LRFN1: variants seen among roughly 807,000 people sequenced by gnomAD.
LRFN1 encodes the protein leucine-rich repeat and fibronectin type III domain-containing protein 1.
In LRFN1, 20 loss-of-function variants were observed where a neutral mutation model predicts 31.8. The ratio of observed to expected loss-of-function variants is 0.63; its 90% CI spans 0.44 to 0.91. The LOEUF (loss-of-function observed/expected upper bound fraction) is 0.91, where lower values mean the gene tolerates loss of function less well. Among genes scored for constraint, LRFN1 ranks in the 40% least tolerant of loss-of-function variants. LRFN1 has a pLI of 0.00. For synonymous variants in LRFN1, 514 were observed against 541.3 expected (o/e 0.95, Z 0.70); for missense variants, 912 against 1,129.8 (o/e 0.81, Z 2.76).
chr19:39,315,382 G>T lies in LRFN1; in HGVS notation c.-37-9C>A. ...GGGGTGGGAGGTGAGACCTGCCGGGGAAGGAGCCGGTTACCCAGGCGTGGG... is the reference window on the plus strand; with the variant it reads ...GGGGTGGGAGGTGAGACCTGCCGGGTAAGGAGCCGGTTACCCAGGCGTGGG... On this transcript the variant is annotated splice_polypyrimidine_tract_variant and intron_variant, in intron 3 of 4. Coordinates refer to ENST00000248668, the MANE Select transcript of LRFN1 (RefSeq NM_020862.2). The surrounding 1 kb of genome is among the most constrained non-coding windows in gnomAD (Gnocchi z 4.7). 1 of 1,419,474 alleles carries T rather than the reference G, an allele frequency of 7.0e-7. No homozygotes were observed. Among genetic ancestry groups the T allele is most frequent in the Non-Finnish European group, 9.2e-7 (1 of 1,085,290 alleles). The allele number at this position is 1,419,474 out of a possible 1,614,324, so 87.9% of individuals were successfully genotyped here.
intron 2 of LRFN1, among the ~76,000 whole-genome samples, chr19:39,317,034 C>T (rs2075174239): frequency 6.6e-6 from 1 of 151,482 alleles, no homozygotes; most frequent in African/African-American, 2.4e-5. Flanking sequence ...TGAAGAGAGA[C>T]AAGGAGAGAC....
At chr19:39,311,930 C>A (rs990453880) in intron 4 of LRFN1, among the ~76,000 whole-genome samples, 1 of 140,890 alleles carries the variant, frequency 7.1e-6, no homozygotes, top group African/African-American at 2.8e-5. Context: ...CACCCAATGG[C>A]GCAATCTCCG....
At position 39,308,949 on chromosome 19, in the gene LRFN1, C is replaced by CA. The variant is rs1438952043; in HGVS notation, c.1407-408dup. On this transcript the variant is annotated intron_variant, in intron 4 of 4. Coordinates refer to ENST00000248668, the MANE Select transcript of LRFN1 (RefSeq NM_020862.2). The surrounding 1 kb of genome is among the most constrained non-coding windows in gnomAD (Gnocchi z 6.2). ...GTCCTTCATCTAGGCATTTCTACCC[C>CA]AAAACTGGGCCAACGCTACTGGCCA... 6.6e-6 allele frequency among the ~76,000 whole-genome samples: 1 copy of CA among 152,190 alleles called. No individual in the cohort carries two copies. The highest frequency in any genetic ancestry group is 1.5e-5 in the Non-Finnish European group (1 of 68,042).
chr19:39,317,612 G>C (rs187234966), intron 2 of LRFN1, among the ~76,000 whole-genome samples: 2 of 152,256 alleles, frequency 1.3e-5, no homozygotes, highest in East Asian at 3.9e-4. Flanking sequence ...CCGCCCTACT[G>C]CCTGGGTTCA....
Position 39,320,857 on chromosome 19 carries a change from G to T in LRFN1, c.-190C>A, listed in dbSNP as rs2075186819. 6.8e-6 allele frequency: 1 copy of T among 146,178 alleles called. No individual in the cohort carries two copies. The allele number at this position is 146,178 out of a possible 1,614,324, so 9.1% of individuals were successfully genotyped here. A position where few individuals can be genotyped will look rare whatever the true frequency, so the allele number is the denominator to read the frequency against. On this transcript the variant is annotated 5_prime_UTR_variant, in exon 1 of 5. Coordinates refer to ENST00000248668, the MANE Select transcript of LRFN1 (RefSeq NM_020862.2). ...GCCTCGCTCCGCGCCATGGTGGGGGGAGGGCCGGGGGAGGGGGCGCGGTGC... is the reference window on the plus strand; with the variant it reads ...GCCTCGCTCCGCGCCATGGTGGGGGTAGGGCCGGGGGAGGGGGCGCGGTGC...
Position 39,314,974 on chromosome 19 carries a change from G to A in LRFN1, c.363C>T (p.Asp121=). The A allele has an allele frequency of 6.3e-7, 1 of 1,593,038 alleles. No homozygotes were observed. Among genetic ancestry groups the A allele is most frequent in the Non-Finnish European group, 8.5e-7 (1 of 1,174,894 alleles). ...CGCGCACCTCCGCCAGGCGGTTGCT[G>A]TCCAGGTGCAGGGCCCGGAGGGCAC... ...DLRALRALHL[D]SNRLAEVRGD... The change falls in exon 4 of 5, where the codon GAC becomes GAT. Residue 121 remains aspartate, a synonymous_variant. Coordinates refer to ENST00000248668, the MANE Select transcript of LRFN1 (RefSeq NM_020862.2).
chr19:39,310,785 A>G (rs1189219146), intron 4 of LRFN1, among the ~76,000 whole-genome samples: 1 of 152,004 alleles, frequency 6.6e-6, no homozygotes, highest in Non-Finnish European at 1.5e-5. Flanking sequence ...CTTCCCCTCC[A>G]GCAGAGCCAC....
chr19:39,311,137 C>T (rs553071717), intron 4 of LRFN1, among the ~76,000 whole-genome samples: 1 of 152,338 alleles, frequency 6.6e-6, no homozygotes, highest in South Asian at 2.1e-4. Context: ...CTTAAGAAAG[C>T]TTCAGCCCAA....
Position 39,307,318 on chromosome 19 carries a change from C to T in LRFN1, c.*315G>A. ...AGTGCTGCAGTGTCAGGGGGCCCTG[C>T]CCCTCCCCGCGCTTCGCTGTGTAAG... On this transcript the variant is annotated 3_prime_UTR_variant, in exon 5 of 5. Transcript: ENST00000248668. This position sits in a 1 kb window ranked among gnomAD's most constrained non-coding sequence, Gnocchi z 6.7. 2.5e-6 allele frequency: 1 copy of T among 400,132 alleles called. No individual in the cohort carries two copies. The highest frequency in any genetic ancestry group is 2.1e-5 in the African/African-American group (1 of 48,736). 24.8% of individuals were successfully genotyped at this position (400,132 alleles called of 1,614,324 possible).
chr19:39,313,932 T>A lies in LRFN1; in HGVS notation c.1405A>T (p.Arg469Trp). The A allele has an allele frequency of 6.3e-7, 1 of 1,584,608 alleles. No individual in the cohort carries two copies. Among genetic ancestry groups the A allele is most frequent in the Non-Finnish European group, 8.6e-7 (1 of 1,164,502 alleles). Residue 469 changes from arginine to tryptophan, a missense_variant and splice_region_variant, in exon 4 of 5, where the codon AGG becomes TGG. Arg to Trp is a moderately radical substitution (Grantham distance 101). This residue lies in a region of LRFN1 where 511 missense variants were observed against 557.0 expected (regional missense o/e 0.92). Transcript: ENST00000248668. Reference protein sequence around the residue: ...NSSVDDSLVYRMIPSTSQTFL... With the variant: ...NSSVDDSLVYWMIPSTSQTFL... ...TGGGACTGCAGCACCCGCACCCACC[T>A]GTAGACGAGGGAGTCATCAACGGAA...
rs1026472046 is a variant in LRFN1 at position 39,314,718 on chromosome 19, C to T, written c.619G>A (p.Val207Met). ...AGACGGACCAGCTTGTGAAGCTGCA[C>T]GAAGGTCCCCTCCGCGATGTGGTCG... Reference protein sequence around the residue: ...LIDHIAEGTFVQLHKLVRLDM... With the variant: ...LIDHIAEGTFMQLHKLVRLDM... The change falls in exon 4 of 5, where the codon GTG becomes ATG. Residue 207 changes from valine to methionine, a missense_variant. Around this residue, in one of 2 missense-constraint regions of LRFN1, gnomAD observed 401 missense variants for 572.7 expected, o/e 0.70. Coordinates refer to ENST00000248668, the MANE Select transcript of LRFN1 (RefSeq NM_020862.2). 23 of 1,613,298 alleles carry T rather than the reference C, an allele frequency of 1.4e-5. No individual in the cohort carries two copies. Among genetic ancestry groups the T allele is most frequent in the Non-Finnish European group, 1.9e-5 (22 of 1,179,554 alleles).
chr19:39,313,408 G>T lies in LRFN1; in HGVS notation c.1406+523C>A, dbSNP rs1161119125. ...TAGCTGGGTGTGTTGGTGGGTATCT[G>T]TAATCCCAGCTACTTGGGAGGCTGA... On this transcript the variant is annotated intron_variant, in intron 4 of 4. Coordinates refer to ENST00000248668, the MANE Select transcript of LRFN1 (RefSeq NM_020862.2). 2.6e-5 allele frequency among the ~76,000 whole-genome samples: 4 copies of T among 152,166 alleles called. No homozygotes were observed. The South Asian group carries it at 6.2e-4, about 24-fold the overall frequency.
rs745517910 is a variant in LRFN1, at chr19:39,307,628, G to A, written c.*5C>T. The A allele has an allele frequency of 5.7e-6, 8 of 1,391,846 alleles. No individual in the cohort carries two copies. Among genetic ancestry groups the A allele is most frequent in the South Asian group, 1.6e-5 (1 of 62,892 alleles). The allele number at this position is 1,391,846 out of a possible 1,614,324, so 86.2% of individuals were successfully genotyped here. On this transcript the variant is annotated 3_prime_UTR_variant, in exon 5 of 5. Transcript: ENST00000248668. This position sits in a 1 kb window ranked among gnomAD's most constrained non-coding sequence, Gnocchi z 6.7. ...CACCCAGGCGTCCCGGCGCCCGCCC[G>A]CCGCTCACACGGTACTCTCCAGCAT...
Position 39,308,174 on chromosome 19 carries a change from C to T in LRFN1, c.1775G>A (p.Gly592Asp), listed in dbSNP as rs753635789. 2.8e-5 allele frequency: 44 copies of T among 1,581,892 alleles called. No individual in the cohort carries two copies. The South Asian group carries it at 5.1e-4, about 18-fold the overall frequency. ...CGGCAGGGCCGGGGCCTGTGCCGCG[C>T]CTGTGCCTGCGCCGTTGGTCTGCGA... ...VCSQTNGAGT[G>D]AAQAPALPAQ... Residue 592 changes from glycine to aspartate, a missense_variant, in exon 5 of 5, where the codon GGC becomes GAC. Gly to Asp is a moderately conservative substitution (Grantham distance 94). Around this residue, in one of 2 missense-constraint regions of LRFN1, gnomAD observed 511 missense variants for 557.0 expected, o/e 0.92. Transcript: ENST00000248668. This position sits in a 1 kb window ranked among gnomAD's most constrained non-coding sequence, Gnocchi z 6.2.
Position 39,307,225 on chromosome 19 carries a change from C to A in LRFN1, c.*408G>T, listed in dbSNP as rs1466623920. ...CGGGACAGAATAGGATCTAGTCCAG[C>A]CAGATACAAGAAATGGGCCCCTCGC... On this transcript the variant is annotated 3_prime_UTR_variant, in exon 5 of 5. Coordinates refer to ENST00000248668, the MANE Select transcript of LRFN1 (RefSeq NM_020862.2). The surrounding 1 kb of genome is among the most constrained non-coding windows in gnomAD (Gnocchi z 6.7). 2 of 397,568 alleles carry A rather than the reference C, an allele frequency of 5.0e-6. No homozygotes were observed. The highest frequency in any genetic ancestry group is 2.1e-5 in the African/African-American group (1 of 48,576). The allele number at this position is 397,568 out of a possible 1,614,324, so 24.6% of individuals were successfully genotyped here. A position where few individuals can be genotyped will look rare whatever the true frequency, so the allele number is the denominator to read the frequency against.
chr19:39,314,120 G>C lies in LRFN1; in HGVS notation c.1217C>G (p.Pro406Arg), dbSNP rs780781621. Residue 406 changes from proline to arginine, a missense_variant, in exon 4 of 5, where the codon CCC (proline) becomes CGC (arginine). By Grantham distance (103) the Pro-to-Arg change is moderately radical. Coordinates refer to ENST00000248668, the MANE Select transcript of LRFN1 (RefSeq NM_020862.2). ...CGGCGTGGCGATGTCAGAGGAGCCG[G>C]GCTCGGTGAGAGGCGGCGGGGCAGC... ...PPAAPPPLTE[P>R]GSSDIATPGR... 32 of 1,612,108 alleles carry C rather than the reference G, an allele frequency of 2.0e-5. No individual in the cohort carries two copies. The Admixed American group carries it at 5.3e-4, about 27-fold the overall frequency.
At chr19:39,313,255 G>A (rs1156516516) in intron 4 of LRFN1, among the ~76,000 whole-genome samples, 1 of 152,146 alleles carries the variant, frequency 6.6e-6, no homozygotes, top group Non-Finnish European at 1.5e-5. Context: ...TGTAGGCTAG[G>A]CACGGTGGCT....
At position 39,307,871 on chromosome 19, in the gene LRFN1, C is replaced by T. The variant is rs752912824; in HGVS notation, c.2078G>A (p.Gly693Glu). ...CTGCGGCCTCGGCCGGGCCGCGGCT[C>T]CCCCAGGAACTAGAGCTAGAGTAGG... ...APPTLALVPG[G>E]AAARPRPQQR... The change falls in exon 5 of 5, where the codon GGA (glycine) becomes GAA (glutamate). Residue 693 changes from glycine to glutamate, a missense_variant. Transcript: ENST00000248668. The surrounding 1 kb of genome is among the most constrained non-coding windows in gnomAD (Gnocchi z 6.7). 41 of 1,534,054 alleles carry T rather than the reference C, an allele frequency of 2.7e-5. 1 individual carries two copies. In the Admixed American group the frequency reaches 5.3e-4, roughly 20 times the overall value.
Position 39,307,573 on chromosome 19 carries a change from C to A in LRFN1, c.*60G>T. 10 of 1,345,008 alleles carry A rather than the reference C, an allele frequency of 7.4e-6. No individual in the cohort carries two copies. The highest frequency in any genetic ancestry group is 8.6e-6 in the Non-Finnish European group (9 of 1,051,750). The allele number at this position is 1,345,008 out of a possible 1,614,324, so 83.3% of individuals were successfully genotyped here. ...GCGCTTTCTCCCAGTCCCGCCCCAG[C>A]GTCCGTGCGGCTGGGCGTTTGGTCT... On this transcript the variant is annotated 3_prime_UTR_variant, in exon 5 of 5. Transcript: ENST00000248668. The surrounding 1 kb of genome is among the most constrained non-coding windows in gnomAD (Gnocchi z 6.7).
Sources: allele counts gnomAD v4.1 joint callset (sites outside exome capture counted in the v4.1 genomes callset), GRCh38; gene constraint gnomAD v4.1.1; regional missense constraint gnomAD v4.1.1; non-coding constraint Gnocchi (gnomAD v3.1); transcripts MANE v1.5; gene names NCBI Gene and HGNC (gene_info 2026-07-23, HGNC 2026-07-21).